The following SCN1A variants were observed in gnomAD, a reference collection of about 807,000 sequenced individuals.
SCN1A encodes sodium voltage-gated channel alpha subunit 1.
Under a neutral mutation model 193.7 loss-of-function variants are expected in SCN1A, and 13 were observed. The observed-to-expected ratio is 0.07, with a 90% CI of 0.04 to 0.11. SCN1A has a LOEUF of 0.11. SCN1A is among the 10% of genes least tolerant of loss of function. The pLI, the probability that SCN1A is intolerant of heterozygous loss-of-function variation, is 1.00. For missense variants in SCN1A, 1,432 were observed against 2,451.1 expected (o/e 0.58, Z 8.78); for synonymous variants, 781 against 843.6 (o/e 0.93, Z 1.29).
intron 9 of SCN1A, among the ~76,000 whole-genome samples, chr2:166,050,613 G>GGATATATATATATATA (rs1698423082): frequency 3.1e-5 from 2 of 65,382 alleles, no homozygotes; most frequent in Non-Finnish European, 6.2e-5. Flanking sequence ...ATTAAAAAAA[G>GGATATATATATATATA]TATATATATA....
At chr2:166,108,531 C>T (rs190682508) in intron 2 of SCN1A, among the ~76,000 whole-genome samples, 1 of 152,108 alleles carries the variant, frequency 6.6e-6, no homozygotes, top group East Asian at 1.9e-4. Flanking sequence ...GCCTTATTAA[C>T]AATAGCCCAA....
intron 2 of SCN1A, among the ~76,000 whole-genome samples, chr2:166,118,494 C>T (rs1558885330): frequency 6.6e-6 from 1 of 151,646 alleles, no homozygotes; most frequent in South Asian, 2.1e-4. Flanking sequence ...TGCGACCTCA[C>T]AGACTCCTCA....
chr2:166,061,282 A>T (rs969813969), intron 4 of SCN1A, among the ~76,000 whole-genome samples: 1 of 152,178 alleles, frequency 6.6e-6, no homozygotes, highest in African/African-American at 2.4e-5. Context: ...TAGAGATCTA[A>T]AAGAAGGGAG....
intron 25 of SCN1A, 46 bp downstream of exon 25, chr2:165,999,677 A>G (rs1690559299): frequency 1.5e-6 from 2 of 1,290,672 alleles, no homozygotes; most frequent in Non-Finnish European, 2.3e-6. Flanking sequence ...TAATTTTACC[A>G]CCTGATCAAT....
chr2:166,089,504 G>A (rs1478379369), intron 2 of SCN1A, among the ~76,000 whole-genome samples: 2 of 151,734 alleles, frequency 1.3e-5, no homozygotes, highest in African/African-American at 4.8e-5. Context: ...AATGTAAAAT[G>A]CATTTCTCAC....
At chr2:166,013,613 A>G in intron 21 of SCN1A, 131 bp downstream of exon 21, 2 of 778,512 alleles carry the variant, frequency 2.6e-6, no homozygotes, top group East Asian at 2.7e-5. Context: ...GAGTAAATCT[A>G]TAGAAGATAC....
intron 2 of SCN1A, among the ~76,000 whole-genome samples, chr2:166,081,360 G>A (rs917537043): frequency 3.3e-5 from 5 of 151,934 alleles, no homozygotes; most frequent in East Asian, 1.9e-4. Flanking sequence ...CTTTGTACCC[G>A]AAGAAACTGG....
chr2:166,040,238 G>A (rs1696999912), intron 16 of SCN1A, among the ~76,000 whole-genome samples: 1 of 152,110 alleles, frequency 6.6e-6, no homozygotes, highest in Non-Finnish European at 1.5e-5. Flanking sequence ...ATTTTTAACA[G>A]TGCTCTTTCC....
In SCN1A at chr2:165,996,466, A is replaced by G. The variant is rs942742952; in HGVS notation, c.4477-349T>C. 4 of 184,480 alleles carry G rather than the reference A, an allele frequency of 2.2e-5. No homozygotes were observed. The East Asian group carries it at 4.6e-4, about 21-fold the overall frequency. The allele number at this position is 184,480 out of a possible 1,614,324, so 11.4% of individuals were successfully genotyped here. A position where few individuals can be genotyped will look rare whatever the true frequency, so the allele number is the denominator to read the frequency against. ...ACCTTATACTATACATACTACCTTT[A>G]TGATGTTAAAGGCAATAATTTTCTT... is the stretch of plus-strand genomic sequence containing the variant. On this transcript the variant is annotated intron_variant, in intron 26 of 28. Coordinates refer to ENST00000674923, the MANE Select transcript of SCN1A (RefSeq NM_001165963.4).
At chr2:166,124,346 C>T (rs902972808) in intron 2 of SCN1A, among the ~76,000 whole-genome samples, 2 of 151,604 alleles carry the variant, frequency 1.3e-5, no homozygotes, top group African/African-American at 2.4e-5. Flanking sequence ...GTCAGGAGAT[C>T]GAGACTAGCC....
chr2:166,072,980 C>T (rs1181140843), intron 4 of SCN1A, among the ~76,000 whole-genome samples: 3 of 151,920 alleles, frequency 2.0e-5, no homozygotes, highest in Non-Finnish European at 4.4e-5. Flanking sequence ...ACTGGGACTA[C>T]ATGCGTGTGC....
intron 17 of SCN1A, 98 bp downstream of exon 17, chr2:166,039,325 C>T (rs891119347): frequency 1.6e-6 from 2 of 1,232,474 alleles, no homozygotes; most frequent in African/African-American, 3.0e-5. Context: ...ACTTACAATG[C>T]TAATGGTTGT....
rs112547129 is a variant in SCN1A, at chr2:165,994,286, G to A, written c.4712C>T (p.Thr1571Ile). Reference sequence around the variant, plus strand: ...CACCAGATTGATGCGTGACAAAATGGTAGTCACATATTCACTCTGGTCATC... The same window carrying A: ...CACCAGATTGATGCGTGACAAAATGATAGTCACATATTCACTCTGGTCATC... Reference protein sequence around the residue: ...ETDDQSEYVTTILSRINLVFI... With the variant: ...ETDDQSEYVTIILSRINLVFI... The change falls in exon 28 of 29, where the codon ACC becomes ATC. Residue 1571 changes from threonine to isoleucine, a missense_variant. Thr to Ile is a moderately conservative substitution (Grantham distance 89). Transcript: ENST00000674923. 11 of 1,613,166 alleles carry A rather than the reference G, an allele frequency of 6.8e-6. No individual in the cohort carries two copies. The South Asian group carries it at 7.7e-5, about 11-fold the overall frequency.
intron 3 of SCN1A, chr2:166,075,406 A>G (rs1032087072): frequency 6.6e-6 from 1 of 152,070 alleles, no homozygotes; most frequent in Non-Finnish European, 1.5e-5. Flanking sequence ...TTTAAAATAC[A>G]TATTCAAATG....
At chr2:166,040,288 A>AC (rs980852617) in intron 16 of SCN1A, among the ~76,000 whole-genome samples, 1 of 152,088 alleles carries the variant, frequency 6.6e-6, no homozygotes, top group African/African-American at 2.4e-5. Context: ...TTTATATACC[A>AC]CAAGTACTGA....
Position 166,039,436 on chromosome 2 carries a change from C to G in SCN1A, c.2576G>C (p.Arg859Pro). ...TTTTTTTTTTACCAATCGAAATGAA[C>G]GGAGAACAGATAATCCTTCCACATT... ...LANVEGLSVL[R>P]SFRLLRVFKL... is the part of the protein sequence containing the mutation. Residue 859 changes from arginine (R) to proline (P), a missense_variant, in exon 17 of 29, where the codon CGT becomes CCT. Arg to Pro is a moderately radical substitution (Grantham distance 103). This residue lies in a region of SCN1A where 93 missense variants were observed against 260.4 expected (regional missense o/e 0.36). Coordinates refer to ENST00000674923, the MANE Select transcript of SCN1A (RefSeq NM_001165963.4). 1 of 1,600,468 alleles carries G rather than the reference C, an allele frequency of 6.2e-7. No individual in the cohort carries two copies. The highest frequency in any genetic ancestry group is 8.5e-7 in the Non-Finnish European group (1 of 1,172,706).
intron 2 of SCN1A, among the ~76,000 whole-genome samples, chr2:166,108,912 G>A (rs116306195): frequency 0.015 from 2,225 of 152,170 alleles, 62 homozygotes; most frequent in African/African-American, 0.049. Flanking sequence ...ATACAAAAAA[G>A]CACTGAACTA....
At chr2:166,139,441 G>T (rs900248002) in intron 1 of SCN1A, among the ~76,000 whole-genome samples, 1 of 152,124 alleles carries the variant, frequency 6.6e-6, no homozygotes, top group Non-Finnish European at 1.5e-5. Flanking sequence ...AGATCTGATG[G>T]CTTTAAAAAT....
chr2:166,041,043 T>C (rs578210525), intron 16 of SCN1A, among the ~76,000 whole-genome samples, 188 bp downstream of exon 16: 15 of 152,340 alleles, frequency 9.8e-5, no homozygotes, highest in East Asian at 3.9e-4. Flanking sequence ...TCTCAGTTTT[T>C]GTGAGCACAT....
Sources: gnomAD v4.1 joint callset for allele counts (sites outside exome capture counted in the v4.1 genomes callset) on GRCh38, gnomAD v4.1.1 for gene constraint, gnomAD v4.1.1 regional missense constraint, MANE v1.5 for transcripts, NCBI Gene and HGNC (gene_info 2026-07-23, HGNC 2026-07-21) for gene names.